STK32C: variants seen among roughly 807,000 people sequenced by gnomAD.
STK32C encodes the protein serine/threonine-protein kinase 32C.
STK32C carries 31 observed loss-of-function variants against 56.5 expected under a neutral mutation model. The observed-to-expected ratio is 0.55, with a 90% confidence interval of 0.41 to 0.74. The LOEUF is 0.74. Among genes scored for constraint, STK32C ranks in the 30% least tolerant of loss-of-function variants. The probability of loss-of-function intolerance (pLI) is 0.00; values close to 1 mark genes in which losing one functional copy is unlikely to be tolerated. For missense variants in STK32C, 544 were observed against 676.9 expected (o/e 0.80, Z 2.18); for synonymous variants, 309 against 289.4 (o/e 1.07, Z -0.69).
intron 2 of STK32C, among the ~76,000 whole-genome samples, chr10:132,233,503 G>A (rs746334686): frequency 6.6e-6 from 1 of 152,204 alleles, no homozygotes. Flanking sequence ...CCTAGGCCAT[G>A]GCTGGTGAAG....
At chr10:132,323,971 G>A (rs1193002075), downstream of STK32C, 5 of 439,446 alleles carry the variant, frequency 1.1e-5, no homozygotes, top group East Asian at 1.9e-4. This position sits in a 1 kb window ranked among gnomAD's most constrained non-coding sequence, Gnocchi z 4.8. Context: ...TCCGGAGAGA[G>A]CGGGAAGCCA....
rs991270622 is a variant in STK32C, at chr10:132,235,609, T to A, written c.319-7481A>T. ...AGGAGAAGGCAGGAGGAAGGGACAG[T>A]GTCGGGGCCTCCAGGTGACGTGGGC... On this transcript the variant is annotated intron_variant, in intron 2 of 11. Transcript: ENST00000298630. Among the ~76,000 whole-genome samples, 5 of 151,574 alleles carry A rather than the reference T, an allele frequency of 3.3e-5. No homozygotes were observed. The South Asian group carries it at 8.3e-4, about 25-fold the overall frequency.
At chr10:132,294,910 C>T (rs1388955025) in intron 1 of STK32C, among the ~76,000 whole-genome samples, 2 of 152,154 alleles carry the variant, frequency 1.3e-5, no homozygotes, top group East Asian at 3.9e-4. Context: ...ATCTGTCCTG[C>T]CTGTGTATGA....
chr10:132,313,124 C>A (rs928642305), intron 1 of STK32C, among the ~76,000 whole-genome samples: 70 of 152,306 alleles, frequency 4.6e-4, no homozygotes, highest in African/African-American at 1.6e-3. Context: ...CCTGATACCC[C>A]CTCCCTTTTA....
intron 1 of STK32C, among the ~76,000 whole-genome samples, chr10:132,259,538 A>G (rs2138056254): frequency 6.6e-6 from 1 of 152,158 alleles, no homozygotes; most frequent in South Asian, 2.1e-4. Context: ...GTGAGTTCTC[A>G]TGAGATCTGG....
At chr10:132,288,941 T>C (rs1334125859) in intron 1 of STK32C, among the ~76,000 whole-genome samples, 1 of 152,184 alleles carries the variant, frequency 6.6e-6, no homozygotes, top group Non-Finnish European at 1.5e-5. Context: ...TCTGTACATA[T>C]AAATTGACAA....
chr10:132,272,201 C>G (rs1296398740), intron 1 of STK32C, among the ~76,000 whole-genome samples: 1 of 152,204 alleles, frequency 6.6e-6, no homozygotes, highest in African/African-American at 2.4e-5. Flanking sequence ...TGGGTGGGCC[C>G]AATCCCACTG....
At chr10:132,211,247 C>A (rs955902189) in intron 10 of STK32C, among the ~76,000 whole-genome samples, 18 of 152,148 alleles carry the variant, frequency 1.2e-4, no homozygotes, top group Admixed American at 1.3e-4. Context: ...GTGACGGTGA[C>A]CTAAGGCTCA....
At position 132,307,580 on chromosome 10, in the gene STK32C, T is replaced by C. The variant is rs748476333; in HGVS notation, c.254A>G (p.Lys85Arg). The C allele has an allele frequency of 9.0e-6, 14 of 1,548,780 alleles. No individual in the cohort carries two copies. In the East Asian group the frequency reaches 3.8e-4, roughly 42 times the overall value. ...ATARRPVFDD[K>R]EDVNFDHFQI... ...CCCGTGCCCGCACTCACCGTCCTCC[T>C]TGTCGTCAAACACCGGCCTCCGCGC... is the stretch of plus-strand genomic sequence containing the variant. The change falls in exon 1 of 12, where the codon AAG becomes AGG. Residue 85 changes from lysine to arginine, a missense_variant. This residue lies in a region of STK32C where 182 missense variants were observed against 217.7 expected (regional missense o/e 0.84). Coordinates refer to ENST00000298630, the MANE Select transcript of STK32C (RefSeq NM_173575.4). This position sits in a 1 kb window ranked among gnomAD's most constrained non-coding sequence, Gnocchi z 4.4.
upstream of STK32C, among the ~76,000 whole-genome samples, chr10:132,310,976 AG>A (rs2066208318): frequency 6.6e-6 from 1 of 152,224 alleles, no homozygotes; most frequent in Admixed American, 6.5e-5. This position sits in a 1 kb window ranked among gnomAD's most constrained non-coding sequence, Gnocchi z 4.6. Flanking sequence ...TCCATGCTGC[AG>A]GACAGCAAGT....
At chr10:132,240,899 C>A (rs533573311) in intron 2 of STK32C, among the ~76,000 whole-genome samples, 79 of 152,246 alleles carry the variant, frequency 5.2e-4, no homozygotes, top group African/African-American at 1.8e-3. Context: ...GCTCTCGAAC[C>A]CCCAAAGGGG....
chr10:132,286,495 A>G (rs922638149), intron 1 of STK32C, among the ~76,000 whole-genome samples: 1 of 152,250 alleles, frequency 6.6e-6, no homozygotes, highest in Non-Finnish European at 1.5e-5. Flanking sequence ...ACACAGGCCA[A>G]TATCCCTAAT....
intron 1 of STK32C, among the ~76,000 whole-genome samples, chr10:132,269,949 TCCTCCACGCCTGACGACCTGAGC>T (rs1479306850): frequency 6.6e-6 from 1 of 152,210 alleles, no homozygotes; most frequent in African/African-American, 2.4e-5. Flanking sequence ...AGGCCCCCTG[TCCTCCACGCCTGACGACCTGAGC>T]CCTCCCCTGA....
intron 1 of STK32C, among the ~76,000 whole-genome samples, chr10:132,296,230 A>G (rs1416260127): frequency 6.6e-6 from 1 of 151,910 alleles, no homozygotes; most frequent in African/African-American, 2.4e-5. Flanking sequence ...TGTCAAGGTC[A>G]TAAAAAGCAA....
intron 10 of STK32C, among the ~76,000 whole-genome samples, chr10:132,221,711 A>C (rs2062666638): frequency 1.4e-5 from 2 of 140,884 alleles, no homozygotes; most frequent in African/African-American, 5.4e-5. Context: ...ATGCTGACGC[A>C]CCTGGGCGAG....
intron 1 of STK32C, among the ~76,000 whole-genome samples, chr10:132,254,587 T>C (rs1295830902): frequency 4.2e-5 from 1 of 24,074 alleles, no homozygotes; most frequent in Non-Finnish European, 7.0e-5. Context: ...GCGTGCACCC[T>C]CCACGAAGGC....
chr10:132,224,038 C>T (rs2062781564), intron 8 of STK32C, among the ~76,000 whole-genome samples: 1 of 152,196 alleles, frequency 6.6e-6, no homozygotes, highest in Admixed American at 6.5e-5. Flanking sequence ...GGGCTTGAAC[C>T]CACCCACCCG....
intron 2 of STK32C, among the ~76,000 whole-genome samples, chr10:132,228,609 C>T (rs1019339163): frequency 1.3e-5 from 2 of 152,246 alleles, no homozygotes; most frequent in African/African-American, 2.4e-5. Context: ...TCACCAGCCA[C>T]GACCTGGGCA....
At chr10:132,249,269 C>A (rs1359478715) in intron 1 of STK32C, among the ~76,000 whole-genome samples, 1 of 152,092 alleles carries the variant, frequency 6.6e-6, no homozygotes, top group Non-Finnish European at 1.5e-5. Context: ...GCATGCGGCC[C>A]CCACTCTGCA....
Sources: allele counts gnomAD v4.1 joint callset (sites outside exome capture counted in the v4.1 genomes callset), GRCh38; gene constraint gnomAD v4.1.1; regional missense constraint gnomAD v4.1.1; non-coding constraint Gnocchi (gnomAD v3.1); transcripts MANE v1.5; gene names NCBI Gene and HGNC (gene_info 2026-07-23, HGNC 2026-07-21).